RSRP1: variants seen among roughly 807,000 people sequenced by gnomAD.
RSRP1 encodes arginine and serine rich protein 1.
A neutral mutation model predicts 33.0 loss-of-function variants in RSRP1; 37 were observed. The ratio of observed to expected loss-of-function variants is 1.12; its 90% CI spans 0.86 to 1.48. RSRP1 has a LOEUF of 1.48. Among genes scored for constraint, RSRP1 ranks in the 40% most tolerant of loss-of-function variants. The pLI, the probability that RSRP1 is intolerant of heterozygous loss-of-function variation, is 0.00. For missense variants in RSRP1, 402 were observed against 385.3 expected, an observed-to-expected ratio of 1.04 and a Z score of -0.36; for synonymous variants, 167 against 158.7, an observed-to-expected ratio of 1.05 and a Z score of -0.40.
intron 1 of RSRP1, among the ~76,000 whole-genome samples, chr1:25,336,872 C>T (rs765941139): frequency 6.6e-6 from 1 of 151,858 alleles, no homozygotes; most frequent in Non-Finnish European, 1.5e-5. Context: ...GTTTTATCTA[C>T]TAATCGGCTA....
chr1:25,258,732 G>C (rs747045376), intron 1 of RSRP1, among the ~76,000 whole-genome samples: 2 of 152,052 alleles, frequency 1.3e-5, no homozygotes, highest in Non-Finnish European at 2.9e-5. Flanking sequence ...CAAATACTTT[G>C]AGTATTAAAG....
At chr1:25,316,272 C>T (rs1219972559) in intron 1 of RSRP1, among the ~76,000 whole-genome samples, 2 of 129,272 alleles carry the variant, frequency 1.5e-5, no homozygotes, top group African/African-American at 5.3e-5. Flanking sequence ...AAGCTCTACC[C>T]CACCCACCTT....
chr1:25,312,920 T>TAAACAAAA (rs1644227646), intron 1 of RSRP1, among the ~76,000 whole-genome samples: 1 of 6,850 alleles, frequency 1.5e-4, no homozygotes, highest in African/African-American at 3.1e-4. Context: ...ATCCCATCTC[T>TAAACAAAA]AAAAAAAAAA....
At position 25,267,581 on chromosome 1, in the gene RSRP1, G is replaced by A. The variant is rs1352529132; in HGVS notation, c.-66-20552C>T. Reference sequence around the variant, plus strand: ...GGTGGAGCTGCGGGGGGCGGGAACAGGCACGGAGAAAATAAACAAGACTAA... The same window carrying A: ...GGTGGAGCTGCGGGGGGCGGGAACAAGCACGGAGAAAATAAACAAGACTAA... On this transcript the variant is annotated intron_variant, in intron 1 of 1. Coordinates refer to the RSRP1 transcript ENST00000561867. 1.7e-5 allele frequency among the ~76,000 whole-genome samples: 2 copies of A among 117,178 alleles called. 1 individual carries two copies. The highest frequency in any genetic ancestry group is 4.0e-5 in the Non-Finnish European group (2 of 49,386). The allele number at this position is 117,178 out of a possible 152,430, so 76.9% of individuals were successfully genotyped here. A position where few individuals can be genotyped will look rare whatever the true frequency, so the allele number is the denominator to read the frequency against.
intron 1 of RSRP1, among the ~76,000 whole-genome samples, chr1:25,262,853 G>A (rs572396538): frequency 1.2e-4 from 19 of 152,232 alleles, no homozygotes; most frequent in Non-Finnish European, 2.4e-4. Flanking sequence ...CATTGAGGGC[G>A]GATGGTTCCC....
At chr1:25,281,657 C>T (rs28437167) in intron 1 of RSRP1, among the ~76,000 whole-genome samples, 9,671 of 130,484 alleles carry the variant, frequency 0.074, 2,081 homozygotes, top group African/African-American at 0.24. Context: ...GGCCACACAC[C>T]CCCATTCCTA....
rs185611620 is a variant in RSRP1 at position 25,309,812 on chromosome 1, G to A, written c.-67+28166C>T. Among the ~76,000 whole-genome samples the A allele has an allele frequency of 5.3e-5, 7 of 132,786 alleles. 2 individuals are homozygous for A. Among genetic ancestry groups the A allele is most frequent in the Non-Finnish European group, 3.6e-5 (2 of 56,074 alleles). The allele number at this position is 132,786 out of a possible 152,430, so 87.1% of individuals were successfully genotyped here. ...TCACAGGGCTGCTGTGAGGACATGT[G>A]TTGAGCTGAGGGTCTCGCCAGGGGA... On this transcript the variant is annotated intron_variant, in intron 1 of 1. Coordinates refer to the RSRP1 transcript ENST00000561867.
rs1396926357 is a variant in RSRP1 at position 25,275,146 on chromosome 1, C to T, written c.-66-28117G>A. Among the ~76,000 whole-genome samples, 27 of 131,070 alleles carry T rather than the reference C, an allele frequency of 2.1e-4. 5 individuals are homozygous for T. Among genetic ancestry groups the T allele is most frequent in the Non-Finnish European group, 2.9e-4 (16 of 55,376 alleles). 86.0% of individuals were successfully genotyped at this position (131,070 alleles called of 152,430 possible). On this transcript the variant is annotated intron_variant, in intron 1 of 1. Transcript: ENST00000561867. ...CTCTACTAAAAATACAAAAATTAGC[C>T]GGATGTGGTGGCACGTGCCTGTAGT...
At chr1:25,248,590 G>A (rs1027061756), upstream of RSRP1, among the ~76,000 whole-genome samples, 7 of 152,138 alleles carry the variant, frequency 4.6e-5, no homozygotes, top group Middle Eastern at 3.2e-3. Context: ...GATTACAGGC[G>A]TGAGCCACTT....
rs1207498048 is a variant in RSRP1, at chr1:25,267,969, C to G, written c.-66-20940G>C. 5 of 133,580 alleles carry G rather than the reference C, an allele frequency of 3.7e-5. 2 individuals carry two copies. The highest frequency in any genetic ancestry group is 8.9e-5 in the Non-Finnish European group (5 of 56,218). The allele number at this position is 133,580 out of a possible 1,614,324, so 8.3% of individuals were successfully genotyped here. On this transcript the variant is annotated intron_variant, in intron 1 of 1. Transcript: ENST00000561867. ...CGGACCCGGCGCCCCGCCCTCCGCC[C>G]CGTGTCCGCATGCGCGACTGAGCCG...
chr1:25,287,060 T>C lies in RSRP1; in HGVS notation c.-66-40031A>G, dbSNP rs576601194. Among the ~76,000 whole-genome samples the C allele has an allele frequency of 1.6e-3, 218 of 135,276 alleles. 22 individuals are homozygous for C. Among genetic ancestry groups the C allele is most frequent in the African/African-American group, 5.4e-3 (212 of 39,268 alleles). The allele number at this position is 135,276 out of a possible 152,430, so 88.7% of individuals were successfully genotyped here. ...GTGAGCCGAGATCGCACCATTGCAC[T>C]GTAGCCTGGGCGACAGAGTGAGGCT... On this transcript the variant is annotated intron_variant, in intron 1 of 1. Coordinates refer to the RSRP1 transcript ENST00000561867.
In RSRP1 at chr1:25,292,895, A is replaced by C. The variant is rs1210475554; in HGVS notation, c.-67+45083T>G. 2.5e-5 allele frequency among the ~76,000 whole-genome samples: 3 copies of C among 121,074 alleles called. 1 individual carries two copies. The highest frequency in any genetic ancestry group is 8.4e-5 in the African/African-American group (3 of 35,552). The allele number at this position is 121,074 out of a possible 152,430, so 79.4% of individuals were successfully genotyped here. A position where few individuals can be genotyped will look rare whatever the true frequency, so the allele number is the denominator to read the frequency against. Reference sequence around the variant, plus strand: ...GCATTTTAGAGGGGGGACATGTGTAAGAGCCAGCAAAGGAGACAGAATTGT... The same window carrying C: ...GCATTTTAGAGGGGGGACATGTGTACGAGCCAGCAAAGGAGACAGAATTGT... On this transcript the variant is annotated intron_variant, in intron 1 of 1. Transcript: ENST00000561867.
intron 1 of RSRP1, among the ~76,000 whole-genome samples, chr1:25,288,545 T>TA (rs887707625): frequency 7.9e-6 from 1 of 125,854 alleles, no homozygotes; most frequent in Non-Finnish European, 1.9e-5. Flanking sequence ...ATAATAGCAA[T>TA]AACCAACTCC....
chr1:25,255,074 A>G (rs28628759), intron 1 of RSRP1, among the ~76,000 whole-genome samples: 24,422 of 152,152 alleles, frequency 0.16, 6,438 homozygotes, highest in African/African-American at 0.55. Flanking sequence ...AACATCAGAG[A>G]AACCATTATT....
At position 25,284,482 on chromosome 1, in the gene RSRP1, C is replaced by G; in HGVS notation, c.-66-37453G>C. 6.0e-6 allele frequency: 7 copies of G among 1,174,544 alleles called. 1 individual carries two copies. Among genetic ancestry groups the G allele is most frequent in the Non-Finnish European group, 8.8e-6 (7 of 799,218 alleles). 72.8% of individuals were successfully genotyped at this position (1,174,544 alleles called of 1,614,324 possible). The stretch of plus-strand genomic sequence containing the variant: ...TTGTAAACGATCTTGCATGCCCCTT[C>G]CAGCTGCCATTTAGTAAGACTCTAA... On this transcript the variant is annotated intron_variant, in intron 1 of 1. Coordinates refer to the RSRP1 transcript ENST00000561867.
chr1:25,256,146 TC>T (rs369806802), intron 1 of RSRP1, among the ~76,000 whole-genome samples: 2 of 150,172 alleles, frequency 1.3e-5, no homozygotes, highest in African/African-American at 4.9e-5. Context: ...TCTATCCGGA[TC>T]TTTTTTTTTT....
At chr1:25,275,557 G>A (rs1216794069) in intron 1 of RSRP1, among the ~76,000 whole-genome samples, 2 of 131,772 alleles carry the variant, frequency 1.5e-5, no homozygotes, top group African/African-American at 2.6e-5. Flanking sequence ...ACGATTTTTT[G>A]AGCATGTACC....
chr1:25,258,812 G>A lies in RSRP1; in HGVS notation c.-66-11783C>T, dbSNP rs146454745. 4.3e-3 allele frequency among the ~76,000 whole-genome samples: 660 copies of A among 152,210 alleles called. 3 individuals carry two copies. The highest frequency in any genetic ancestry group is 0.015 in the African/African-American group (636 of 41,516). On this transcript the variant is annotated intron_variant, in intron 1 of 1. Transcript: ENST00000561867. The stretch of plus-strand genomic sequence containing the variant: ...TATCTCTTAAAAAAAAACTGCATTT[G>A]TACTCTTATAAGAAGTTTGGCATCA...
chr1:25,246,627 AC>A lies in RSRP1; in HGVS notation c.336del (p.Ser113ProfsTer58), dbSNP rs1354579516. 6.2e-7 allele frequency: 1 copy of A among 1,613,784 alleles called. No individual in the cohort carries two copies. Among genetic ancestry groups the A allele is most frequent in the Non-Finnish European group, 8.5e-7 (1 of 1,179,984 alleles). On this transcript the variant is annotated frameshift_variant, in exon 2 of 5. Coordinates refer to ENST00000243189, the MANE Select transcript of RSRP1 (RefSeq NM_020317.5). LOFTEE classifies it high-confidence loss of function. Reference protein sequence around the residue: ...RRYYRSPSRYRSRSRSRSRSR... With the variant: ...RRYYRSPSRYXSRSRSRSRSR... ...GAGCGCGACCTGCTACGGGACCGGG[AC>A]CGGTACCGCGAAGGAGACCGGTAGT...
Sources: gnomAD v4.1 joint callset for allele counts (sites outside exome capture counted in the v4.1 genomes callset) on GRCh38, gnomAD v4.1.1 for gene constraint, MANE v1.5 for transcripts, NCBI Gene and HGNC (gene_info 2026-07-23, HGNC 2026-07-21) for gene names.